Variants in RIMBP2 observed in about 807,000 individuals in gnomAD.
The protein encoded by RIMBP2 is RIMS binding protein 2.
Under a neutral mutation model 118.6 loss-of-function variants are expected in RIMBP2, and 48 were observed. That is an observed-to-expected ratio of 0.40 (90% CI 0.32 to 0.51). The LOEUF is 0.51. Among genes scored for constraint, RIMBP2 ranks in the 20% least tolerant of loss-of-function variants. The pLI, the probability that RIMBP2 is intolerant of heterozygous loss-of-function variation, is 0.41. For missense variants in RIMBP2, 1,551 were observed against 1,768.3 expected (o/e 0.88, Z 2.20); for synonymous variants, 762 against 742.9 (o/e 1.03, Z -0.42).
chr12:130,565,446 G>T (rs530667013), intron 2 of RIMBP2, among the ~76,000 whole-genome samples: 2 of 152,170 alleles, frequency 1.3e-5, no homozygotes, highest in African/African-American at 2.4e-5. Flanking sequence ...ATGCATCAAT[G>T]ATGTTGTTTC....
chr12:130,587,849 A>T (rs1410358534), intron 2 of RIMBP2, among the ~76,000 whole-genome samples: 1 of 151,406 alleles, frequency 6.6e-6, no homozygotes, highest in African/African-American at 2.4e-5. Context: ...AAAAGAAAAA[A>T]AAAAGAAGAG....
rs111360449 is a variant in RIMBP2, at chr12:130,645,339, G to A, written c.-351-16883C>T. Among the ~76,000 whole-genome samples the A allele has an allele frequency of 4.5e-4, 68 of 152,218 alleles. 2 individuals carry two copies. The highest frequency in any genetic ancestry group is 3.7e-3 in the Admixed American group (56 of 15,270). On this transcript the variant is annotated intron_variant, in intron 1 of 22. Transcript: ENST00000690449. Reference sequence around the variant, plus strand: ...AAATCACAGCTTTTACCAGCACACCGCTCCCCCAAAACCAACTTCTATTAT... The same window carrying A: ...AAATCACAGCTTTTACCAGCACACCACTCCCCCAAAACCAACTTCTATTAT...
intron 2 of RIMBP2, among the ~76,000 whole-genome samples, chr12:130,625,851 T>C (rs1462908615): frequency 6.6e-6 from 1 of 152,224 alleles, no homozygotes; most frequent in Non-Finnish European, 1.5e-5. Context: ...ACTGATTGGC[T>C]TCTGTATCCC....
chr12:130,675,359 C>A (rs542311982), intron 1 of RIMBP2, among the ~76,000 whole-genome samples: 2 of 152,202 alleles, frequency 1.3e-5, no homozygotes, highest in African/African-American at 4.8e-5. Flanking sequence ...CAGCACTTGT[C>A]CTCATTTGTG....
chr12:130,587,373 T>A, intron 2 of RIMBP2, among the ~76,000 whole-genome samples: 1 of 69,226 alleles, frequency 1.4e-5, no homozygotes, highest in Non-Finnish European at 2.7e-5. Flanking sequence ...TAAAGACACA[T>A]GCACACGTAT....
At chr12:130,572,959 G>A (rs989296853) in intron 2 of RIMBP2, among the ~76,000 whole-genome samples, 14 of 152,054 alleles carry the variant, frequency 9.2e-5, no homozygotes, top group Non-Finnish European at 1.8e-4. Flanking sequence ...CCTTCCCCCC[G>A]GGGGGACAGA....
intron 18 of RIMBP2, 96 bp downstream of exon 18, chr12:130,414,029 C>A: frequency 7.7e-7 from 1 of 1,307,032 alleles, no homozygotes; most frequent in South Asian, 1.3e-5. Context: ...AGGAGAAGGC[C>A]ATCTCTAAGT....
At chr12:130,507,836 C>T (rs972584514) in intron 3 of RIMBP2, among the ~76,000 whole-genome samples, 1 of 152,198 alleles carries the variant, frequency 6.6e-6, no homozygotes, top group Non-Finnish European at 1.5e-5. Context: ...AACATAATGT[C>T]ACGCTTTTCA....
rs1161964895 is a variant in RIMBP2 at position 130,523,362 on chromosome 12, TGAGA to T, written c.-216-5449_-216-5446del. On this transcript the variant is annotated intron_variant, in intron 2 of 22. Transcript: ENST00000690449. The surrounding 1 kb of genome is among the most constrained non-coding windows in gnomAD (Gnocchi z 4.4). ...GTCTTAGACTTCCAGCCTCCAGGAC[TGAGA>T]GAGAGGAGAGCTCTGTCATTTAAGC... is the stretch of plus-strand genomic sequence containing the variant. 6.6e-6 allele frequency among the ~76,000 whole-genome samples: 1 copy of T among 152,188 alleles called. No individual in the cohort carries two copies. The highest frequency in any genetic ancestry group is 1.5e-5 in the Non-Finnish European group (1 of 68,040).
intron 1 of RIMBP2, among the ~76,000 whole-genome samples, chr12:130,715,465 C>T (rs917393115): frequency 3.3e-5 from 5 of 152,194 alleles, no homozygotes; most frequent in African/African-American, 1.2e-4. Context: ...CCACCTGGAC[C>T]TACCCAGACC....
chr12:130,699,416 A>C (rs1246950630), intron 1 of RIMBP2, among the ~76,000 whole-genome samples: 1 of 151,790 alleles, frequency 6.6e-6, no homozygotes, highest in Non-Finnish European at 1.5e-5. Flanking sequence ...TGATGAGTTC[A>C]TGTCCTTTGT....
chr12:130,549,833 C>G (rs529761528), intron 2 of RIMBP2, among the ~76,000 whole-genome samples: 1 of 152,206 alleles, frequency 6.6e-6, no homozygotes, highest in African/African-American at 2.4e-5. Context: ...GCGCATGTGT[C>G]TTTTTGGTAG....
intron 17 of RIMBP2, among the ~76,000 whole-genome samples, chr12:130,421,691 A>ATGTGTGTGTGTGTGTGTGTGTGTGTG (rs35161782): frequency 1.3e-4 from 19 of 147,296 alleles, no homozygotes; most frequent in African/African-American, 4.8e-4. Flanking sequence ...CTGCATTTAT[A>ATGTGTGTGTGTGTGTGTGTGTGTGTG]TGTGTGTGTG....
chr12:130,543,511 A>T (rs1244458516), intron 2 of RIMBP2, among the ~76,000 whole-genome samples: 2 of 152,238 alleles, frequency 1.3e-5, no homozygotes, highest in Non-Finnish European at 2.9e-5. Context: ...GGGTAGGTAG[A>T]CCAGCAGGCT....
chr12:130,626,764 G>A (rs1202424827), intron 2 of RIMBP2, among the ~76,000 whole-genome samples: 1 of 145,372 alleles, frequency 6.9e-6, no homozygotes, highest in East Asian at 2.1e-4. Flanking sequence ...CTGTTGCCAC[G>A]ACTACCTACC....
At chr12:130,598,524 C>T (rs1472353408) in intron 2 of RIMBP2, among the ~76,000 whole-genome samples, 2 of 152,072 alleles carry the variant, frequency 1.3e-5, no homozygotes, top group East Asian at 1.9e-4. Flanking sequence ...GTCAGGAGAT[C>T]GAGACCATCC....
intron 4 of RIMBP2, among the ~76,000 whole-genome samples, chr12:130,493,874 T>C (rs1236320704): frequency 1.3e-5 from 2 of 152,158 alleles, no homozygotes; most frequent in Non-Finnish European, 2.9e-5. Context: ...GTCTAGCCTG[T>C]TACATTTACC....
intron 6 of RIMBP2, among the ~76,000 whole-genome samples, chr12:130,467,365 C>A (rs2080574250): frequency 6.6e-6 from 1 of 152,220 alleles, no homozygotes; most frequent in African/African-American, 2.4e-5. Flanking sequence ...ATTTTGTAGA[C>A]CCTGCCCTCT....
chr12:130,402,348 T>TC (rs2074694157), intron 21 of RIMBP2, among the ~76,000 whole-genome samples: 1 of 151,770 alleles, frequency 6.6e-6, no homozygotes. Context: ...AATCGAAGGC[T>TC]CCCCCAGACG....
Sources: gnomAD v4.1 joint callset for allele counts (sites outside exome capture counted in the v4.1 genomes callset) on GRCh38, gnomAD v4.1.1 for gene constraint, Gnocchi (gnomAD v3.1) non-coding constraint, MANE v1.5 for transcripts, NCBI Gene and HGNC (gene_info 2026-07-23, HGNC 2026-07-21) for gene names.